CCNJL: variants seen among roughly 807,000 people sequenced by gnomAD.
CCNJL encodes cyclin-J-like protein.
CCNJL carries 33 observed loss-of-function variants against 33.4 expected under a neutral mutation model. That is an observed-to-expected ratio of 0.99 (90% CI 0.75 to 1.32). The LOEUF (loss-of-function observed/expected upper bound fraction) is 1.32, where lower values mean the gene tolerates loss of function less well. Ranked by LOEUF, CCNJL falls within the 40% of genes most tolerant of loss-of-function variation. The pLI is 0.00. For synonymous variants in CCNJL, 227 were observed against 220.9 expected (o/e 1.03, Z -0.24); for missense variants, 512 against 499.7 (o/e 1.02, Z -0.23).
chr5:160,258,433 T>C, intron 4 of CCNJL: 3 of 959,888 alleles, frequency 3.1e-6, no homozygotes, highest in South Asian at 2.6e-5. Context: ...TGACAGGATG[T>C]TTCACATGAA....
chr5:160,325,942 T>G (rs1763529219), intron 1 of CCNJL, among the ~76,000 whole-genome samples: 1 of 152,142 alleles, frequency 6.6e-6, no homozygotes, highest in Non-Finnish European at 1.5e-5. Context: ...GGTGAGTAGT[T>G]GAGACAGAGA....
chr5:160,285,741 G>A (rs1762381908), intron 2 of CCNJL, among the ~76,000 whole-genome samples: 1 of 152,234 alleles, frequency 6.6e-6, no homozygotes. Flanking sequence ...TGGAAACGTG[G>A]GCAGGGGCCC....
intron 4 of CCNJL, among the ~76,000 whole-genome samples, chr5:160,257,978 C>T (rs1193824076): frequency 6.6e-6 from 1 of 151,726 alleles, no homozygotes; most frequent in Admixed American, 6.6e-5. Flanking sequence ...TCCCAAGTAG[C>T]TGAGACTATA....
At chr5:160,315,469 T>G (rs932124897), upstream of CCNJL, 13 of 446,718 alleles carry the variant, frequency 2.9e-5, no homozygotes, top group African/African-American at 2.4e-4. Flanking sequence ...ATTGTGCCAC[T>G]GCACTCCAGC....
At chr5:160,322,440 G>A (rs1763481921) in intron 1 of CCNJL, among the ~76,000 whole-genome samples, 1 of 152,132 alleles carries the variant, frequency 6.6e-6, no homozygotes, top group African/African-American at 2.4e-5. Context: ...CTGCCTTTAT[G>A]GGGTTATATG....
chr5:160,301,982 G>A (rs149592946), intron 2 of CCNJL, among the ~76,000 whole-genome samples: 24,902 of 151,888 alleles, frequency 0.16, 2,189 homozygotes, highest in Non-Finnish European at 0.19. Flanking sequence ...CACCCACCTC[G>A]GCCTCCCAAA....
chr5:160,280,895 TG>T, intron 2 of CCNJL, 157 bp from the exon 3 acceptor site: 1 of 705,494 alleles, frequency 1.4e-6, no homozygotes, highest in South Asian at 1.5e-5. Context: ...CAGCCCCGCC[TG>T]GGCTATCTCC....
chr5:160,326,094 AT>A (rs1288890650), intron 1 of CCNJL, among the ~76,000 whole-genome samples: 6 of 152,146 alleles, frequency 3.9e-5, no homozygotes, highest in Non-Finnish European at 7.4e-5. Flanking sequence ...AGTTGCAAGT[AT>A]TTATCCTGTC....
At chr5:160,258,984 C>G (rs6890329) in intron 4 of CCNJL, among the ~76,000 whole-genome samples, 7,909 of 152,258 alleles carry the variant, frequency 0.052, 644 homozygotes, top group African/African-American at 0.18. Flanking sequence ...GCGCCCGCCC[C>G]TATCAGCAGT....
chr5:160,326,118 T>C (rs1310703564), intron 1 of CCNJL, among the ~76,000 whole-genome samples: 1 of 152,204 alleles, frequency 6.6e-6, no homozygotes, highest in East Asian at 1.9e-4. Flanking sequence ...CCAAGGCCTT[T>C]GAAATACTAG....
intron 5 of CCNJL, 149 bp downstream of exon 5, chr5:160,255,400 G>T: frequency 1.6e-6 from 1 of 636,062 alleles, no homozygotes; most frequent in South Asian, 2.5e-5. Flanking sequence ...TCTACCAGGA[G>T]TCACCATGGC....
intron 2 of CCNJL, among the ~76,000 whole-genome samples, chr5:160,299,000 A>G (rs1404405075): frequency 6.6e-6 from 1 of 152,038 alleles, no homozygotes; most frequent in African/African-American, 2.4e-5. Flanking sequence ...ATTTTTTGAG[A>G]CAGAGTCTTG....
Position 160,306,312 on chromosome 5 carries a change from G to C in CCNJL, c.66+5546C>G, listed in dbSNP as rs941649980. On this transcript the variant is annotated intron_variant, in intron 2 of 5. Transcript: ENST00000257536. Reference sequence around the variant, plus strand: ...AAAAAAGCGGTCTCACAGAGCTGAAGTCCTCTGAGTGTGCAATGAAGTAAG... The same window carrying C: ...AAAAAAGCGGTCTCACAGAGCTGAACTCCTCTGAGTGTGCAATGAAGTAAG... Among the ~76,000 whole-genome samples the C allele has an allele frequency of 2.0e-5, 3 of 147,754 alleles. No homozygotes were observed. The Admixed American group carries it at 2.0e-4, about 10-fold the overall frequency.
At chr5:160,333,653 A>T (rs572394065) in intron 1 of CCNJL, among the ~76,000 whole-genome samples, 1 of 151,654 alleles carries the variant, frequency 6.6e-6, no homozygotes, top group African/African-American at 2.4e-5. Context: ...TTCCACTATA[A>T]TCCCCTTAGG....
At chr5:160,255,327 A>C in intron 5 of CCNJL, 1 of 393,528 alleles carries the variant, frequency 2.5e-6, no homozygotes, top group Non-Finnish European at 4.6e-6. Context: ...AAAAAATAAA[A>C]TAAAATAAAA....
intron 3 of CCNJL, among the ~76,000 whole-genome samples, chr5:160,265,217 T>G (rs6891718): frequency 6.6e-6 from 1 of 152,192 alleles, no homozygotes. Flanking sequence ...TGCCTACTGA[T>G]GGACCCATTC....
intron 1 of CCNJL, chr5:160,339,373 A>AAAAAAAAAAC (rs1561817491): frequency 2.3e-5 from 7 of 304,972 alleles, no homozygotes; most frequent in Non-Finnish European, 4.6e-5. Context: ...AAAAAAAAAC[A>AAAAAAAAAAC]AAAAAAAACG....
chr5:160,337,003 C>CTTTTT (rs35461944), intron 1 of CCNJL, among the ~76,000 whole-genome samples: 272 of 95,070 alleles, frequency 2.9e-3, no homozygotes, highest in Non-Finnish European at 4.0e-3. Context: ...CTTTTTCTTT[C>CTTTTT]TTTTTTTTTT....
chr5:160,258,319 A>G, intron 4 of CCNJL: 1 of 759,766 alleles, frequency 1.3e-6, no homozygotes, highest in South Asian at 1.4e-5. Context: ...ATGGTATTAC[A>G]ACGCCACAGG....
Sources: allele counts gnomAD v4.1 joint callset (sites outside exome capture counted in the v4.1 genomes callset), GRCh38; gene constraint gnomAD v4.1.1; transcripts MANE v1.5; gene names NCBI Gene and HGNC (gene_info 2026-07-23, HGNC 2026-07-21).